DPP6: variants seen among roughly 807,000 people sequenced by gnomAD.
DPP6 encodes A-type potassium channel modulatory protein DPP6.
In DPP6, 69 loss-of-function variants were observed where a neutral mutation model predicts 122.6. The observed-to-expected ratio is 0.56, with a 90% CI of 0.46 to 0.69. DPP6 has a LOEUF of 0.69. Ranked by LOEUF, DPP6 falls within the 30% of genes least tolerant of loss-of-function variation. The pLI is 0.00. For missense variants in DPP6, 928 were observed against 1,116.9 expected, an observed-to-expected ratio of 0.83 and a Z score of 2.41; for synonymous variants, 418 against 433.1, an observed-to-expected ratio of 0.97 and a Z score of 0.43.
intron 8 of DPP6, among the ~76,000 whole-genome samples, chr7:154,747,916 G>A (rs1843109690): frequency 6.6e-6 from 1 of 152,232 alleles, no homozygotes; most frequent in Admixed American, 6.5e-5. Context: ...ATTGAGTGCT[G>A]TGGGTCCAGG....
At chr7:154,726,508 G>A (rs1444334994) in intron 7 of DPP6, among the ~76,000 whole-genome samples, 1 of 152,196 alleles carries the variant, frequency 6.6e-6, no homozygotes, top group East Asian at 1.9e-4. Flanking sequence ...TGGAGCTGGT[G>A]TGGGCGCAAT....
intron 1 of DPP6, among the ~76,000 whole-genome samples, chr7:154,271,034 G>A (rs893340906): frequency 6.6e-6 from 1 of 152,158 alleles, no homozygotes; most frequent in Non-Finnish European, 1.5e-5. Flanking sequence ...CAAAGACTGG[G>A]TTGATGTTCC....
chr7:153,848,977 G>C, the DPP6 span, among the ~76,000 whole-genome samples: 1 of 151,914 alleles, frequency 6.6e-6, no homozygotes, highest in East Asian at 1.9e-4. Context: ...TACATAAAAG[G>C]GTTTTTTAAC....
chr7:154,776,862 T>C (rs1336051700), intron 10 of DPP6, among the ~76,000 whole-genome samples: 1 of 152,178 alleles, frequency 6.6e-6, no homozygotes, highest in Non-Finnish European at 1.5e-5. Context: ...CCCTAAGCCA[T>C]GCCCCTGAGC....
chr7:154,157,603 A>G (rs1007244557), intron 1 of DPP6, among the ~76,000 whole-genome samples: 1 of 152,202 alleles, frequency 6.6e-6, no homozygotes, highest in African/African-American at 2.4e-5. Flanking sequence ...CTTACCAACA[A>G]CTACTTTAAT....
At chr7:154,548,313 C>T (rs572641017) in intron 4 of DPP6, among the ~76,000 whole-genome samples, 6 of 151,958 alleles carry the variant, frequency 3.9e-5, no homozygotes, top group African/African-American at 1.2e-4. Flanking sequence ...GCCTGTAATC[C>T]CAGCACTTTG....
intron 1 of DPP6, among the ~76,000 whole-genome samples, chr7:154,399,325 T>C (rs897898885): frequency 1.3e-5 from 2 of 152,210 alleles, no homozygotes; most frequent in African/African-American, 4.8e-5. Flanking sequence ...TGTGGTAAAA[T>C]GGCCCCAGAA....
chr7:154,657,981 G>T (rs1837380589), intron 6 of DPP6, among the ~76,000 whole-genome samples: 1 of 152,204 alleles, frequency 6.6e-6, no homozygotes, highest in Admixed American at 6.5e-5. Flanking sequence ...TCAGGAAAAG[G>T]CAGACTTATG....
intron 3 of DPP6, among the ~76,000 whole-genome samples, chr7:154,495,626 G>A (rs559465099): frequency 3.3e-5 from 5 of 152,128 alleles, no homozygotes; most frequent in African/African-American, 1.2e-4. Flanking sequence ...CTGACCTCAA[G>A]TGATCCATCC....
At chr7:154,029,724 T>G (rs1799131222) in intron 1 of DPP6, among the ~76,000 whole-genome samples, 1 of 149,320 alleles carries the variant, frequency 6.7e-6, no homozygotes, top group African/African-American at 2.5e-5. Context: ...CGGGCGCCTG[T>G]AGTCCCAGCT....
At chr7:154,758,370 C>T (rs1186989536) in intron 8 of DPP6, among the ~76,000 whole-genome samples, 3 of 126,612 alleles carry the variant, frequency 2.4e-5, no homozygotes, top group Admixed American at 8.0e-5. Context: ...GAAGGAAATA[C>T]AGATTTTTTT....
At chr7:153,893,208 G>A (rs1290159775) in intron 1 of DPP6, among the ~76,000 whole-genome samples, 1 of 152,148 alleles carries the variant, frequency 6.6e-6, no homozygotes, top group African/African-American at 2.4e-5. Context: ...CTGGGTCTGA[G>A]TTTTTCAACA....
the DPP6 span, among the ~76,000 whole-genome samples, chr7:153,792,891 A>C: frequency 6.6e-6 from 1 of 152,066 alleles, no homozygotes; most frequent in Non-Finnish European, 1.5e-5. Context: ...ACAAGATCTG[A>C]TGGGTTTATC....
At chr7:154,091,339 G>A (rs535180434) in intron 1 of DPP6, among the ~76,000 whole-genome samples, 1 of 152,264 alleles carries the variant, frequency 6.6e-6, no homozygotes, top group East Asian at 1.9e-4. Context: ...GCAGCCAAGG[G>A]CTTACGTATT....
chr7:154,673,656 A>G (rs1034703180), intron 7 of DPP6, among the ~76,000 whole-genome samples: 1 of 152,216 alleles, frequency 6.6e-6, no homozygotes, highest in African/African-American at 2.4e-5. Context: ...TGATCTAGGA[A>G]ATAGACTTGG....
At chr7:154,857,968 A>G (rs1802982436) in intron 17 of DPP6, among the ~76,000 whole-genome samples, 1 of 152,128 alleles carries the variant, frequency 6.6e-6, no homozygotes, top group Non-Finnish European at 1.5e-5. Context: ...GTTTCATCCA[A>G]ACACTCAGCC....
chr7:154,408,354 CA>C (rs1228358802), intron 1 of DPP6, among the ~76,000 whole-genome samples: 8 of 152,110 alleles, frequency 5.3e-5, no homozygotes, highest in Admixed American at 5.2e-4. Flanking sequence ...TATGTTGCTT[CA>C]TTAAATTCAA....
At chr7:154,015,771 C>T (rs1279846582) in intron 1 of DPP6, among the ~76,000 whole-genome samples, 1 of 152,178 alleles carries the variant, frequency 6.6e-6, no homozygotes, top group Non-Finnish European at 1.5e-5. Flanking sequence ...ACTGTTGTCT[C>T]TCACTGGAAT....
intron 5 of DPP6, among the ~76,000 whole-genome samples, chr7:154,570,907 T>C (rs1293295207): frequency 6.6e-6 from 1 of 152,220 alleles, no homozygotes; most frequent in Non-Finnish European, 1.5e-5. Context: ...AAGTAGTGCA[T>C]CTGGAATGTT....
Sources: gnomAD v4.1 joint callset for allele counts (sites outside exome capture counted in the v4.1 genomes callset) on GRCh38, gnomAD v4.1.1 for gene constraint, MANE v1.5 for transcripts, NCBI Gene and HGNC (gene_info 2026-07-23, HGNC 2026-07-21) for gene names.